MSI1: variants seen among roughly 807,000 people sequenced by gnomAD.
The protein encoded by MSI1 is musashi RNA binding protein 1, also known as RNA-binding protein Musashi homolog 1.
In MSI1, 15 loss-of-function variants were observed where a neutral mutation model predicts 54.4. The observed-to-expected ratio is 0.28, with a 90% CI of 0.18 to 0.42. MSI1 has a LOEUF of 0.42. Ranked by LOEUF, MSI1 falls within the 20% of genes least tolerant of loss-of-function variation. The probability of loss-of-function intolerance (pLI) is 1.00; values close to 1 mark genes in which losing one functional copy is unlikely to be tolerated. For synonymous variants in MSI1, 200 were observed against 196.5 expected, an observed-to-expected ratio of 1.02 and a Z score of -0.15; for missense variants, 304 against 506.0, an observed-to-expected ratio of 0.60 and a Z score of 3.83.
chr12:120,346,730 C>G (rs1317986234), intron 12 of MSI1, among the ~76,000 whole-genome samples: 1 of 152,192 alleles, frequency 6.6e-6, no homozygotes, highest in Non-Finnish European at 1.5e-5. Flanking sequence ...TTCCCTCAAC[C>G]AGAAACACTT....
At chr12:120,360,719 G>A (rs1053316244) in intron 6 of MSI1, among the ~76,000 whole-genome samples, 1 of 152,198 alleles carries the variant, frequency 6.6e-6, no homozygotes, top group African/African-American at 2.4e-5. Context: ...TTGCTGGTTG[G>A]GTAACCTTGG....
rs1876173885 is a variant in MSI1, at chr12:120,368,529, G to A, written c.101-256C>T. On this transcript the variant is annotated intron_variant, in intron 2 of 14. Transcript: ENST00000257552. This position sits in a 1 kb window ranked among gnomAD's most constrained non-coding sequence, Gnocchi z 6.6. ...TCCGGCCGGGTTCCCGCCGCTCCGG[G>A]AGCAGCCTCACAAAAGTTTGAGCCG... is the stretch of plus-strand genomic sequence containing the variant. Among the ~76,000 whole-genome samples, 1 of 152,000 alleles carries A rather than the reference G, an allele frequency of 6.6e-6. No homozygotes were observed. The highest frequency in any genetic ancestry group is 6.5e-5 in the Admixed American group (1 of 15,270).
chr12:120,346,099 G>A lies in MSI1; in HGVS notation c.1047+36C>T, dbSNP rs1035540375. On this transcript the variant is annotated intron_variant, in intron 13 of 14. Coordinates refer to ENST00000257552, the MANE Select transcript of MSI1 (RefSeq NM_002442.4). ...AACTTGGGGGTCTCTCAAGGTGTGG[G>A]GGGTGAGGTGGGGGCCGCTAGGCCT... is the stretch of plus-strand genomic sequence containing the variant. 6 of 1,485,462 alleles carry A rather than the reference G, an allele frequency of 4.0e-6. No individual in the cohort carries two copies. The African/African-American group carries it at 8.4e-5, about 21-fold the overall frequency. The allele number at this position is 1,485,462 out of a possible 1,614,324, so 92.0% of individuals were successfully genotyped here.
intron 8 of MSI1, among the ~76,000 whole-genome samples, chr12:120,357,415 C>A (rs983476233): frequency 1.3e-5 from 2 of 152,228 alleles, no homozygotes; most frequent in African/African-American, 4.8e-5. Flanking sequence ...CCTTTAGAAC[C>A]TCATAGCTTC....
intron 14 of MSI1, among the ~76,000 whole-genome samples, chr12:120,343,397 T>A (rs533231720): frequency 6.6e-6 from 1 of 152,044 alleles, no homozygotes; most frequent in Admixed American, 6.6e-5. Flanking sequence ...CTCATTTTTG[T>A]TGTTGTAGCA....
At chr12:120,367,347 C>T (rs895941720) in intron 4 of MSI1, among the ~76,000 whole-genome samples, 1 of 152,164 alleles carries the variant, frequency 6.6e-6, no homozygotes, top group Non-Finnish European at 1.5e-5. Context: ...GTCTAAGACA[C>T]GAAGGAGCTG....
chr12:120,359,541 G>A (rs1408322434), intron 6 of MSI1, among the ~76,000 whole-genome samples: 1 of 152,148 alleles, frequency 6.6e-6, no homozygotes, highest in Non-Finnish European at 1.5e-5. Context: ...CTCTAATTGA[G>A]GTTTCCTTTT....
At chr12:120,340,271 G>T (rs1019934951), downstream of MSI1, among the ~76,000 whole-genome samples, 1 of 151,868 alleles carries the variant, frequency 6.6e-6, no homozygotes, top group Non-Finnish European at 1.5e-5. Context: ...TATTTTAGTA[G>T]AGACGGGGTT....
intron 13 of MSI1, 26 bp downstream of exon 13, chr12:120,346,109 G>A: frequency 1.3e-6 from 2 of 1,504,996 alleles, no homozygotes; most frequent in Non-Finnish European, 1.8e-6. Flanking sequence ...GGGGTGAGGT[G>A]GGGGCCGCTA....
intron 7 of MSI1, 137 bp from the exon 8 acceptor site, chr12:120,358,035 G>C (rs1875291917): frequency 7.0e-6 from 5 of 713,306 alleles, no homozygotes; most frequent in Non-Finnish European, 1.2e-5. Context: ...TCACAGCCTG[G>C]AATCCTCTCA....
intron 4 of MSI1, 32 bp from the exon 5 acceptor site, chr12:120,364,787 T>TGG: frequency 1.9e-6 from 3 of 1,580,740 alleles, no homozygotes; most frequent in Non-Finnish European, 2.6e-6. Context: ...GAAGGGGTCT[T>TGG]GGTTATCGCA....
At chr12:120,351,740 G>A (rs2136926707) in intron 10 of MSI1, among the ~76,000 whole-genome samples, 1 of 137,896 alleles carries the variant, frequency 7.3e-6, no homozygotes, top group South Asian at 2.3e-4. Context: ...ATGGAGTCTC[G>A]CTCTGTCGCC....
chr12:120,358,513 A>G (rs116188194), intron 7 of MSI1, among the ~76,000 whole-genome samples: 2,052 of 152,296 alleles, frequency 0.013, 32 homozygotes, highest in African/African-American at 0.039. Context: ...TGCCCCAGGG[A>G]CTGGAAAGGG....
intron 5 of MSI1, among the ~76,000 whole-genome samples, chr12:120,364,195 G>A (rs1312061663): frequency 6.6e-6 from 1 of 152,184 alleles, no homozygotes; most frequent in East Asian, 1.9e-4. Flanking sequence ...AGAGCAGCAG[G>A]GTAAGAGAGC....
At chr12:120,340,243 C>T (rs370295155), downstream of MSI1, among the ~76,000 whole-genome samples, 1 of 151,998 alleles carries the variant, frequency 6.6e-6, no homozygotes, top group Admixed American at 6.6e-5. Flanking sequence ...CGTGCCACCA[C>T]ACCCAGCTAA....
Position 120,347,464 on chromosome 12 carries a change from C to T in MSI1, c.841G>A (p.Ala281Thr). 6.2e-7 allele frequency: 1 copy of T among 1,613,728 alleles called. No homozygotes were observed. Among genetic ancestry groups the T allele is most frequent in the Non-Finnish European group, 8.5e-7 (1 of 1,179,736 alleles). The change falls in exon 12 of 15, where the codon GCT becomes ACT. Residue 281 changes from alanine (A) to threonine (T), a missense_variant. Physicochemically the swap from Ala to Thr is moderately conservative, Grantham distance 58. This residue lies in a region of MSI1 where 147 missense variants were observed against 231.5 expected (regional missense o/e 0.64). Coordinates refer to ENST00000257552, the MANE Select transcript of MSI1 (RefSeq NM_002442.4). ...AGCTCACCTGTCCCTCGAACCACAGCCGCTGCCGCCGCTGCCGCCGCCATT... is the reference window on the plus strand; with the variant it reads ...AGCTCACCTGTCCCTCGAACCACAGTCGCTGCCGCCGCTGCCGCCGCCATT... ...GPMAAAAAAA[A>T]VVRGTGSHPW...
chr12:120,350,795 T>A (rs571268929), intron 11 of MSI1, among the ~76,000 whole-genome samples: 1 of 152,342 alleles, frequency 6.6e-6, no homozygotes, highest in Non-Finnish European at 1.5e-5. Context: ...CTTGGCAATA[T>A]TTCATTTGGC....
chr12:120,361,450 G>T, intron 6 of MSI1: 1 of 152,682 alleles, frequency 6.5e-6, no homozygotes, highest in Non-Finnish European at 1.5e-5. Context: ...CCAGGGCAGG[G>T]GGCAAGGAAG....
At chr12:120,354,083 C>T (rs367989820) in intron 9 of MSI1, among the ~76,000 whole-genome samples, 94 of 152,032 alleles carry the variant, frequency 6.2e-4, no homozygotes, top group African/African-American at 2.2e-3. Context: ...CTTCTGGGCT[C>T]AAGTGATTCT....
Sources: gnomAD v4.1 joint callset for allele counts (sites outside exome capture counted in the v4.1 genomes callset) on GRCh38, gnomAD v4.1.1 for gene constraint, gnomAD v4.1.1 regional missense constraint, Gnocchi (gnomAD v3.1) non-coding constraint, MANE v1.5 for transcripts, NCBI Gene and HGNC (gene_info 2026-07-23, HGNC 2026-07-21) for gene names.